CD2AP: variants seen among roughly 807,000 people sequenced by gnomAD.
CD2AP encodes CD2 associated protein, also known as CD2-associated protein.
CD2AP carries 46 observed loss-of-function variants against 85.1 expected under a neutral mutation model. The ratio of observed to expected loss-of-function variants is 0.54; its 90% CI spans 0.43 to 0.69. The LOEUF is 0.69. Among genes scored for constraint, CD2AP ranks in the 30% least tolerant of loss-of-function variants. CD2AP has a pLI of 0.00. For synonymous variants in CD2AP, 255 were observed against 252.9 expected, an observed-to-expected ratio of 1.01 and a Z score of -0.08; for missense variants, 769 against 729.5, an observed-to-expected ratio of 1.05 and a Z score of -0.62.
At chr6:47,496,046 T>C (rs943743790) in intron 1 of CD2AP, among the ~76,000 whole-genome samples, 11 of 152,212 alleles carry the variant, frequency 7.2e-5, no homozygotes, top group African/African-American at 2.7e-4. Flanking sequence ...ACCTGTATAC[T>C]TACCACTTCT....
intron 11 of CD2AP, among the ~76,000 whole-genome samples, chr6:47,587,714 G>A (rs528404870): frequency 6.6e-6 from 1 of 152,258 alleles, no homozygotes; most frequent in East Asian, 1.9e-4. Context: ...CAAGTAGGGA[G>A]GCATGTAAAT....
At chr6:47,479,481 A>G (rs550925871) in intron 1 of CD2AP, among the ~76,000 whole-genome samples, 1 of 152,310 alleles carries the variant, frequency 6.6e-6, no homozygotes, top group South Asian at 2.1e-4. Context: ...CCCTCCTTTC[A>G]GGTAACTTTC....
intron 5 of CD2AP, among the ~76,000 whole-genome samples, chr6:47,568,005 T>C (rs1208120286): frequency 6.6e-6 from 1 of 151,546 alleles, no homozygotes; most frequent in African/African-American, 2.4e-5. Flanking sequence ...ACTAGAGGAG[T>C]GCTATGGGGA....
intron 2 of CD2AP, among the ~76,000 whole-genome samples, chr6:47,506,656 C>T (rs1481234789): frequency 3.8e-5 from 5 of 133,044 alleles, no homozygotes; most frequent in East Asian, 2.1e-4. Flanking sequence ...TCAGGCGTGG[C>T]GGCGCGTGCC....
chr6:47,619,007 G>A (rs1769672697), intron 17 of CD2AP, among the ~76,000 whole-genome samples: 1 of 152,086 alleles, frequency 6.6e-6, no homozygotes, highest in Non-Finnish European at 1.5e-5. Flanking sequence ...GTATTATAAT[G>A]TTCACTAAAA....
intron 2 of CD2AP, among the ~76,000 whole-genome samples, chr6:47,524,618 T>TC (rs11415777): frequency 0.31 from 47,697 of 151,934 alleles, 8,642 homozygotes; most frequent in Middle Eastern, 0.52. Context: ...GTGTTTTTTT[T>TC]TCCACTGTAC....
chr6:47,592,551 G>T (rs990894484), intron 11 of CD2AP, among the ~76,000 whole-genome samples: 2 of 152,106 alleles, frequency 1.3e-5, no homozygotes, highest in African/African-American at 4.8e-5. Flanking sequence ...TGATAAAGGT[G>T]AGAGGAACAT....
At chr6:47,528,846 C>T (rs926233028) in intron 2 of CD2AP, among the ~76,000 whole-genome samples, 1 of 152,140 alleles carries the variant, frequency 6.6e-6, no homozygotes. Flanking sequence ...TTTAAAAAAT[C>T]AGGCTGTTTG....
intron 2 of CD2AP, among the ~76,000 whole-genome samples, chr6:47,521,305 A>G (rs1766585819): frequency 6.6e-6 from 1 of 152,126 alleles, no homozygotes; most frequent in South Asian, 2.1e-4. Flanking sequence ...TAATCCCAGC[A>G]TTTTGGGAGG....
intron 5 of CD2AP, among the ~76,000 whole-genome samples, chr6:47,562,362 G>C (rs889763057): frequency 1.3e-5 from 2 of 152,130 alleles, no homozygotes; most frequent in Non-Finnish European, 2.9e-5. Flanking sequence ...TAAAATACCA[G>C]TAATTGTTCT....
At position 47,478,054 on chromosome 6, in the gene CD2AP, G is replaced by A. The variant is rs886061514; in HGVS notation, c.-191G>A. The A allele has an allele frequency of 4.5e-5, 32 of 710,830 alleles. No homozygotes were observed. Among genetic ancestry groups the A allele is most frequent in the Non-Finnish European group, 6.8e-5 (29 of 424,648 alleles). The allele number at this position is 710,830 out of a possible 1,614,324, so 44.0% of individuals were successfully genotyped here. ...GTCGCCGCCTTTGCCTCTGCCTCGA[G>A]GGCCGCGCTGAAGAGACTGGTAGGA... On this transcript the variant is annotated 5_prime_UTR_variant, in exon 1 of 18. Transcript: ENST00000359314.
chr6:47,599,153 G>A (rs1769034401), intron 12 of CD2AP, 148 bp from the exon 13 acceptor site: 5 of 597,682 alleles, frequency 8.4e-6, no homozygotes, highest in African/African-American at 1.9e-5. Context: ...ATCAGCCTTA[G>A]GAGAGAGTTT....
At chr6:47,565,400 T>C (rs961532279) in intron 5 of CD2AP, among the ~76,000 whole-genome samples, 2 of 152,198 alleles carry the variant, frequency 1.3e-5, no homozygotes, top group African/African-American at 4.8e-5. Context: ...ATTCCACTTA[T>C]TTGCTAAATA....
In CD2AP at chr6:47,577,090, A is replaced by T. The variant is rs755408892; in HGVS notation, c.890A>T (p.His297Leu). 6.7e-7 allele frequency: 1 copy of T among 1,493,538 alleles called. No individual in the cohort carries two copies. Among genetic ancestry groups the T allele is most frequent in the South Asian group, 1.1e-5 (1 of 88,348 alleles). 92.5% of individuals were successfully genotyped at this position (1,493,538 alleles called of 1,614,324 possible). A position where few individuals can be genotyped will look rare whatever the true frequency, so the allele number is the denominator to read the frequency against. ...ACTTTTAAAGAGGGGGAGATAATCC[A>T]TTTGATAAGTAAGGTAAGGTGTTTC... ...ELTFKEGEII[H>L]LISKETGEAG... Residue 297 changes from histidine to leucine, a missense_variant, in exon 8 of 18, where the codon CAT becomes CTT. Transcript: ENST00000359314.
chr6:47,512,257 G>A (rs1474850518), intron 2 of CD2AP, among the ~76,000 whole-genome samples: 6 of 152,072 alleles, frequency 3.9e-5, no homozygotes, highest in Non-Finnish European at 7.4e-5. Context: ...CAGGAGAATC[G>A]CTTGAACGTG....
At chr6:47,623,662 A>G (rs1383826080) in intron 17 of CD2AP, among the ~76,000 whole-genome samples, 1 of 152,112 alleles carries the variant, frequency 6.6e-6, no homozygotes, top group Non-Finnish European at 1.5e-5. Flanking sequence ...TGAATCTTAG[A>G]TATATTCCTG....
chr6:47,580,912 G>T lies in CD2AP; in HGVS notation c.1045+12G>T. On this transcript the variant is annotated intron_variant, in intron 10 of 17. Transcript: ENST00000359314. Reference sequence around the variant, plus strand: ...TGCTAAGGCTCCAGGTATGTAAGAAGCATATTATTCAGTTTGCTATTTTCC... The same window carrying T: ...TGCTAAGGCTCCAGGTATGTAAGAATCATATTATTCAGTTTGCTATTTTCC... 1 of 1,583,054 alleles carries T rather than the reference G, an allele frequency of 6.3e-7. No individual in the cohort carries two copies. The highest frequency in any genetic ancestry group is 1.1e-5 in the South Asian group (1 of 90,218).
At chr6:47,603,018 C>G (rs1212405707) in intron 13 of CD2AP, among the ~76,000 whole-genome samples, 7 of 152,032 alleles carry the variant, frequency 4.6e-5, no homozygotes, top group Admixed American at 3.3e-4. Flanking sequence ...GGTAGTTGAT[C>G]TATTTTTTAA....
chr6:47,533,323 C>G (rs979537725), intron 2 of CD2AP, among the ~76,000 whole-genome samples: 14 of 151,924 alleles, frequency 9.2e-5, no homozygotes, highest in African/African-American at 3.4e-4. Flanking sequence ...CTTTGTATCT[C>G]AGTGTTTCTT....
Sources: gnomAD v4.1 joint callset for allele counts (sites outside exome capture counted in the v4.1 genomes callset) on GRCh38, gnomAD v4.1.1 for gene constraint, MANE v1.5 for transcripts, NCBI Gene and HGNC (gene_info 2026-07-23, HGNC 2026-07-21) for gene names.